CMYA5: variants seen among roughly 807,000 people sequenced by gnomAD.
The protein encoded by CMYA5 is cardiomyopathy associated 5.
CMYA5 carries 246 observed loss-of-function variants against 318.9 expected under a neutral mutation model. The observed-to-expected ratio is 0.77, with a 90% CI of 0.70 to 0.86. CMYA5 has a LOEUF of 0.86. Among genes scored for constraint, CMYA5 ranks in the 40% least tolerant of loss-of-function variants. The pLI, the probability that CMYA5 is intolerant of heterozygous loss-of-function variation, is 0.00. For synonymous variants in CMYA5, 1,641 were observed against 1,729.5 expected (o/e 0.95, Z 1.27); for missense variants, 4,589 against 4,678.2 (o/e 0.98, Z 0.56).
At chr5:79,722,390 A>G (rs1003924433) in intron 1 of CMYA5, among the ~76,000 whole-genome samples, 9 of 152,156 alleles carry the variant, frequency 5.9e-5, no homozygotes, top group African/African-American at 1.9e-4. Flanking sequence ...ATAAGAATCT[A>G]TCTTGGCTAT....
At chr5:79,704,389 G>A (rs78639706) in intron 1 of CMYA5, among the ~76,000 whole-genome samples, 207 of 152,024 alleles carry the variant, frequency 1.4e-3, no homozygotes, top group African/African-American at 4.8e-3. Flanking sequence ...AAAGTAGAGC[G>A]ACCAGAATCC....
In CMYA5 at chr5:79,732,606, C is replaced by T. The variant is rs188481513; in HGVS notation, c.3841C>T (p.Pro1281Ser). Residue 1281 changes from proline to serine, a missense_variant, in exon 2 of 13, where the codon CCA becomes TCA. Physicochemically the swap from Pro to Ser is moderately conservative, Grantham distance 74 (BLOSUM62 -1). Around this residue, in one of 3 missense-constraint regions of CMYA5, gnomAD observed 2,132 missense variants for 2,131.3 expected, o/e 1.00. Coordinates refer to ENST00000446378, the MANE Select transcript of CMYA5 (RefSeq NM_153610.5). The stretch of plus-strand genomic sequence containing the variant: ...CAAGAATGAGCCTGAAGTAATAAAA[C>T]CATATTCACCTCTAAAGGAAACATC... ...LSKNEPEVIK[P>S]YSPLKETSLS... 15 of 1,613,188 alleles carry T rather than the reference C, an allele frequency of 9.3e-6. 1 individual carries two copies. Among genetic ancestry groups the T allele is most frequent in the Middle Eastern group, 3.3e-4 (2 of 6,062 alleles).
intron 6 of CMYA5, among the ~76,000 whole-genome samples, chr5:79,753,169 TCAAA>T (rs1419836781): frequency 1.3e-5 from 2 of 152,122 alleles, no homozygotes; most frequent in Non-Finnish European, 2.9e-5. Context: ...TTCCTACGTG[TCAAA>T]CAGATTTCTC....
At chr5:79,799,159 G>A (rs1240346776) in intron 12 of CMYA5, among the ~76,000 whole-genome samples, 1 of 152,182 alleles carries the variant, frequency 6.6e-6, no homozygotes, top group African/African-American at 2.4e-5. Flanking sequence ...TGTAGGAGGA[G>A]CAAAATTATT....
intron 9 of CMYA5, among the ~76,000 whole-genome samples, chr5:79,775,651 A>G (rs1476651648): frequency 6.6e-6 from 1 of 152,198 alleles, no homozygotes. Context: ...TCTAAGATGA[A>G]TTTTTCATGT....
chr5:79,707,369 C>T (rs1265369451), intron 1 of CMYA5, among the ~76,000 whole-genome samples: 1 of 152,078 alleles, frequency 6.6e-6, no homozygotes, highest in Non-Finnish European at 1.5e-5. Flanking sequence ...ATAATACACA[C>T]TCAAAGATGT....
chr5:79,707,374 A>G (rs1827294589), intron 1 of CMYA5, among the ~76,000 whole-genome samples: 1 of 152,250 alleles, frequency 6.6e-6, no homozygotes, highest in Non-Finnish European at 1.5e-5. Context: ...ACACACTCAA[A>G]GATGTTGACT....
intron 5 of CMYA5, among the ~76,000 whole-genome samples, chr5:79,751,506 G>A (rs1186883572): frequency 6.6e-6 from 1 of 152,098 alleles, no homozygotes; most frequent in Non-Finnish European, 1.5e-5. Context: ...TATTGTTTCT[G>A]ACAGTAGTAA....
chr5:79,773,426 C>T (rs1026787108), intron 9 of CMYA5, among the ~76,000 whole-genome samples: 1 of 152,132 alleles, frequency 6.6e-6, no homozygotes, highest in African/African-American at 2.4e-5. Context: ...GACTGGAAAC[C>T]TTCCCATGGG....
At position 79,735,135 on chromosome 5, in the gene CMYA5, CCTG is replaced by C; in HGVS notation, c.6371_6373del (p.Pro2124_Glu2125delinsGln). 1 of 1,613,650 alleles carries C rather than the reference CCTG, an allele frequency of 6.2e-7. No individual in the cohort carries two copies. Among genetic ancestry groups the C allele is most frequent in the East Asian group, 2.2e-5 (1 of 44,882 alleles). Reference sequence around the variant, plus strand: ...TGCTGATGAGGGAAAGAAACCATCACCTGAAGTAAAAATACCCACACAAAGAAA... The same window carrying C: ...TGCTGATGAGGGAAAGAAACCATCACAAGTAAAAATACCCACACAAAGAAA... On this transcript the variant is annotated inframe_deletion, in exon 2 of 13. Transcript: ENST00000446378.
intron 7 of CMYA5, 24 bp from the exon 8 acceptor site, chr5:79,761,787 G>T (rs777023435): frequency 1.9e-6 from 3 of 1,592,824 alleles, no homozygotes; most frequent in Admixed American, 1.8e-5. Context: ...AGATGTCTTC[G>T]ATTTTAATTG....
chr5:79,728,949 C>A lies in CMYA5; in HGVS notation c.184C>A (p.Gln62Lys). The A allele has an allele frequency of 6.2e-7, 1 of 1,604,492 alleles. No individual in the cohort carries two copies. Among genetic ancestry groups the A allele is most frequent in the Admixed American group, 1.7e-5 (1 of 58,490 alleles). The change falls in exon 2 of 13, where the codon CAG (glutamine) becomes AAG (lysine). Residue 62 changes from glutamine (Q) to lysine (K), a missense_variant. Gln to Lys is a moderately conservative substitution (Grantham distance 53). Transcript: ENST00000446378. The stretch of plus-strand genomic sequence containing the variant: ...CCAGGATGAAGAGGGAAAGATCAAG[C>A]AGGAGTATATCATATCTGACCCCTC... ...SDQDEEGKIKQEYIISDPSFS... is the reference protein window; with the variant it reads ...SDQDEEGKIKKEYIISDPSFS...
intron 9 of CMYA5, chr5:79,763,528 T>G (rs1201645000): frequency 7.2e-6 from 2 of 276,854 alleles, no homozygotes; most frequent in African/African-American, 2.2e-5. Flanking sequence ...GGTTTTTTAC[T>G]AGCTATATCA....
Position 79,793,726 on chromosome 5 carries a change from A to G in CMYA5, c.11963+116A>G, listed in dbSNP as rs1236500023. On this transcript the variant is annotated intron_variant, in intron 12 of 12. Coordinates refer to ENST00000446378, the MANE Select transcript of CMYA5 (RefSeq NM_153610.5). ...ACTTCCATGCTCAACTTCTGAGCCAACTAAGAAAGAAAACAAGAGTCAAGT... is the reference window on the plus strand; with the variant it reads ...ACTTCCATGCTCAACTTCTGAGCCAGCTAAGAAAGAAAACAAGAGTCAAGT... 4.4e-6 allele frequency: 4 copies of G among 907,860 alleles called. No homozygotes were observed. The East Asian group carries it at 1.1e-4, about 24-fold the overall frequency. 56.2% of individuals were successfully genotyped at this position (907,860 alleles called of 1,614,324 possible). A position where few individuals can be genotyped will look rare whatever the true frequency, so the allele number is the denominator to read the frequency against.
At chr5:79,776,324 T>C (rs904645746) in intron 9 of CMYA5, among the ~76,000 whole-genome samples, 4 of 152,204 alleles carry the variant, frequency 2.6e-5, no homozygotes, top group African/African-American at 9.7e-5. Context: ...TTACCAACTT[T>C]TTAAGAAGGA....
rs540608076 is a variant in CMYA5, at chr5:79,732,001, G to A, written c.3236G>A (p.Ser1079Asn). 6.2e-7 allele frequency: 1 copy of A among 1,613,934 alleles called. No individual in the cohort carries two copies. The highest frequency in any genetic ancestry group is 1.3e-5 in the African/African-American group (1 of 75,058). Residue 1079 changes from serine (S) to asparagine (N), a missense_variant, in exon 2 of 13, where the codon AGT becomes AAT. By Grantham distance (46) the Ser-to-Asn change is conservative (BLOSUM62 1). Coordinates refer to ENST00000446378, the MANE Select transcript of CMYA5 (RefSeq NM_153610.5). ...FPLMSPLEDL[S>N]LPPSTDKSEK... ...TTGATGTCTCCGCTTGAAGACTTAA[G>A]TCTGCCGCCTTCAACAGATAAATCA...
chr5:79,769,000 T>C (rs1828806972), intron 9 of CMYA5, among the ~76,000 whole-genome samples: 1 of 152,076 alleles, frequency 6.6e-6, no homozygotes, highest in Non-Finnish European at 1.5e-5. Context: ...TTCCTTTTCA[T>C]TTTTTTCCCT....
At chr5:79,710,981 C>T (rs1396074769) in intron 1 of CMYA5, among the ~76,000 whole-genome samples, 1 of 152,040 alleles carries the variant, frequency 6.6e-6, no homozygotes, top group Non-Finnish European at 1.5e-5. Context: ...GCAAAGTTTT[C>T]CAATAATCTA....
Position 79,733,999 on chromosome 5 carries a change from C to T in CMYA5, c.5234C>T (p.Thr1745Ile). 6.2e-7 allele frequency: 1 copy of T among 1,613,658 alleles called. No individual in the cohort carries two copies. The highest frequency in any genetic ancestry group is 8.5e-7 in the Non-Finnish European group (1 of 1,179,834). ...GGNPEEFQPF[T>I]FSLKGLSEEV... ...AACCCAGAAGAATTTCAGCCATTTACTTTTTCTTTAAAAGGATTATCAGAG... is the reference window on the plus strand; with the variant it reads ...AACCCAGAAGAATTTCAGCCATTTATTTTTTCTTTAAAAGGATTATCAGAG... Residue 1745 changes from threonine to isoleucine, a missense_variant, in exon 2 of 13, where the codon ACT (threonine) becomes ATT (isoleucine). Transcript: ENST00000446378.
Sources: allele counts gnomAD v4.1 joint callset (sites outside exome capture counted in the v4.1 genomes callset), GRCh38; gene constraint gnomAD v4.1.1; regional missense constraint gnomAD v4.1.1; transcripts MANE v1.5; gene names NCBI Gene and HGNC (gene_info 2026-07-23, HGNC 2026-07-21).